The following MKLN1 variants were observed in gnomAD, a reference collection of about 807,000 sequenced individuals.
MKLN1 encodes muskelin.
In MKLN1, 18 loss-of-function variants were observed where a neutral mutation model predicts 99.0. The observed-to-expected ratio is 0.18, with a 90% confidence interval of 0.13 to 0.27. MKLN1 has a LOEUF of 0.27. Among genes scored for constraint, MKLN1 ranks in the 10% least tolerant of loss-of-function variants. The pLI, the probability that MKLN1 is intolerant of heterozygous loss-of-function variation, is 1.00. For missense variants in MKLN1, 621 were observed against 875.9 expected (o/e 0.71, Z 3.67); for synonymous variants, 288 against 293.2 (o/e 0.98, Z 0.18).
intron 2 of MKLN1, among the ~76,000 whole-genome samples, chr7:131,161,478 C>T (rs1796046906): frequency 6.6e-6 from 1 of 152,200 alleles, no homozygotes; most frequent in South Asian, 2.1e-4. Flanking sequence ...CTACAAGTGG[C>T]ATTGTTGGTG....
intron 6 of MKLN1, among the ~76,000 whole-genome samples, chr7:131,410,838 C>T (rs1033220556): frequency 5.3e-5 from 8 of 152,024 alleles, no homozygotes; most frequent in Non-Finnish European, 1.2e-4. Context: ...TATATAAGAT[C>T]TTTTTTCAAT....
At chr7:131,261,549 T>C (rs996138860) in intron 3 of MKLN1, among the ~76,000 whole-genome samples, 1 of 152,232 alleles carries the variant, frequency 6.6e-6, no homozygotes, top group African/African-American at 2.4e-5. Context: ...GTGGTGGGAA[T>C]GTAAATTAGT....
chr7:131,222,681 A>G (rs1386966160), intron 3 of MKLN1, among the ~76,000 whole-genome samples: 1 of 152,092 alleles, frequency 6.6e-6, no homozygotes, highest in African/African-American at 2.4e-5. Context: ...CTCCAGGGAT[A>G]AGGGCACAAG....
intron 3 of MKLN1, among the ~76,000 whole-genome samples, chr7:131,292,250 TA>T (rs1045093027): frequency 6.6e-6 from 1 of 152,138 alleles, no homozygotes; most frequent in Admixed American, 6.5e-5. Flanking sequence ...CAAAGTGATT[TA>T]AAAAGTTGGG....
chr7:131,359,788 C>T (rs1799976488), intron 1 of MKLN1, among the ~76,000 whole-genome samples: 1 of 151,504 alleles, frequency 6.6e-6, no homozygotes, highest in South Asian at 2.1e-4. Context: ...GACTGGAGTG[C>T]AGTGTTGTGA....
chr7:131,255,088 CTA>C (rs2116523775), intron 3 of MKLN1, among the ~76,000 whole-genome samples: 1 of 152,024 alleles, frequency 6.6e-6, no homozygotes, highest in African/African-American at 2.4e-5. Flanking sequence ...GAGACAGGGT[CTA>C]TGTTTCCCAG....
intron 4 of MKLN1, among the ~76,000 whole-genome samples, chr7:131,393,651 G>A (rs1794271326): frequency 6.6e-6 from 1 of 152,014 alleles, no homozygotes; most frequent in African/African-American, 2.4e-5. Flanking sequence ...TTAAGAGACA[G>A]GGTCTTTCTC....
intron 13 of MKLN1, among the ~76,000 whole-genome samples, chr7:131,463,937 C>G (rs908690760): frequency 4.6e-5 from 7 of 152,144 alleles, no homozygotes; most frequent in African/African-American, 1.7e-4. Flanking sequence ...TTATTATTTT[C>G]TAAATAGGAC....
chr7:131,458,724 T>C (rs1460518857), intron 12 of MKLN1, among the ~76,000 whole-genome samples: 1 of 152,070 alleles, frequency 6.6e-6, no homozygotes, highest in Non-Finnish European at 1.5e-5. Context: ...TATATATATA[T>C]ATGTAGTCAT....
At chr7:131,195,454 C>A (rs971124776) in intron 2 of MKLN1, among the ~76,000 whole-genome samples, 2 of 150,408 alleles carry the variant, frequency 1.3e-5, no homozygotes, top group Non-Finnish European at 3.0e-5. Context: ...GAGGTTGCAA[C>A]GAGCCAAGAT....
At chr7:131,265,326 T>C (rs187206345) in intron 3 of MKLN1, among the ~76,000 whole-genome samples, 3 of 152,232 alleles carry the variant, frequency 2.0e-5, no homozygotes, top group Non-Finnish European at 4.4e-5. Flanking sequence ...CCAAACAGTA[T>C]AGTCATCCAT....
At chr7:131,424,361 A>G (rs950846203) in intron 8 of MKLN1, among the ~76,000 whole-genome samples, 7 of 152,114 alleles carry the variant, frequency 4.6e-5, no homozygotes, top group Non-Finnish European at 8.8e-5. Flanking sequence ...AATGCGTAGT[A>G]TACACATCCT....
chr7:131,281,119 C>T (rs1798043907), intron 3 of MKLN1, among the ~76,000 whole-genome samples: 1 of 151,702 alleles, frequency 6.6e-6, no homozygotes, highest in Non-Finnish European at 1.5e-5. Flanking sequence ...ATTGCCAAAT[C>T]CAAGGTCATG....
chr7:131,206,080 G>C (rs531154894), intron 3 of MKLN1, among the ~76,000 whole-genome samples: 1 of 151,960 alleles, frequency 6.6e-6, no homozygotes, highest in African/African-American at 2.4e-5. Context: ...TTTTAGTAGA[G>C]ACGGGGTTTC....
chr7:131,457,431 A>G (rs1238712057), intron 12 of MKLN1, among the ~76,000 whole-genome samples: 1 of 152,222 alleles, frequency 6.6e-6, no homozygotes, highest in Non-Finnish European at 1.5e-5. Context: ...AATGAAAATG[A>G]AGACTACAAC....
intron 12 of MKLN1, among the ~76,000 whole-genome samples, chr7:131,446,528 T>A (rs547168863): frequency 3.3e-4 from 51 of 152,362 alleles, no homozygotes; most frequent in Middle Eastern, 3.4e-3. Flanking sequence ...TTTAAAATGC[T>A]AATTTGAACA....
chr7:131,142,752 G>T, intron 1 of MKLN1: 1 of 400,496 alleles, frequency 2.5e-6, no homozygotes. Context: ...AACAAAAAAG[G>T]AATTGCAAGC....
chr7:131,379,993 C>T (rs1395675629), intron 2 of MKLN1, among the ~76,000 whole-genome samples: 1 of 152,130 alleles, frequency 6.6e-6, no homozygotes, highest in Non-Finnish European at 1.5e-5. Flanking sequence ...TGACAAACCC[C>T]TGGAGCCAGG....
At chr7:131,436,211 TC>T (rs1795672482) in intron 9 of MKLN1, among the ~76,000 whole-genome samples, 2 of 152,296 alleles carry the variant, frequency 1.3e-5, no homozygotes, top group South Asian at 4.1e-4. Flanking sequence ...ATACTGTTCT[TC>T]CTGCCTAATA....
Sources: gnomAD v4.1 joint callset for allele counts (sites outside exome capture counted in the v4.1 genomes callset) on GRCh38, gnomAD v4.1.1 for gene constraint, MANE v1.5 for transcripts, NCBI Gene and HGNC (gene_info 2026-07-23, HGNC 2026-07-21) for gene names.